GBF1: variants seen among roughly 807,000 people sequenced by gnomAD.
GBF1 encodes the protein golgi brefeldin A resistant guanine nucleotide exchange factor 1, also known as Golgi-specific brefeldin A-resistance guanine nucleotide exchange factor 1.
GBF1 carries 114 observed loss-of-function variants against 210.5 expected under a neutral mutation model. The observed-to-expected ratio is 0.54, with a 90% CI of 0.47 to 0.63. The LOEUF is 0.63. Ranked by LOEUF, GBF1 falls within the 30% of genes least tolerant of loss-of-function variation. The probability of loss-of-function intolerance (pLI) is 0.00; values close to 1 mark genes in which losing one functional copy is unlikely to be tolerated. For synonymous variants in GBF1, 850 were observed against 889.2 expected (o/e 0.96, Z 0.78); for missense variants, 1,851 against 2,357.7 (o/e 0.79, Z 4.45).
chr10:102,376,703 G>A lies in GBF1; in HGVS notation c.4191G>A (p.Leu1397=). 3 of 1,613,458 alleles carry A rather than the reference G, an allele frequency of 1.9e-6. No homozygotes were observed. Among genetic ancestry groups the A allele is most frequent in the Non-Finnish European group, 1.7e-6 (2 of 1,179,932 alleles). Residue 1397 remains leucine, a synonymous_variant, in exon 32 of 40, where the codon CTG becomes CTA. Transcript: ENST00000369983. ...TKSLLKCVES[L]SFIVRDAAHI... is the part of the protein sequence containing the mutation. The stretch of plus-strand genomic sequence containing the variant: ...CTCTGCTTAAGTGTGTGGAATCGCT[G>A]TCCTTCATTGTGCGTGATGCTGCCC...
chr10:102,248,243 A>G (rs898702339), intron 1 of GBF1, among the ~76,000 whole-genome samples: 2 of 151,594 alleles, frequency 1.3e-5, no homozygotes, highest in African/African-American at 2.4e-5. Context: ...TAGAAGAGCT[A>G]TGTAAATATA....
chr10:102,286,553 A>G (rs976340359), intron 3 of GBF1, among the ~76,000 whole-genome samples: 1 of 152,078 alleles, frequency 6.6e-6, no homozygotes, highest in Non-Finnish European at 1.5e-5. Flanking sequence ...CTGCTTCATA[A>G]TTTTTCAAAG....
intron 1 of GBF1, among the ~76,000 whole-genome samples, chr10:102,252,848 A>C (rs79698093): frequency 6.8e-6 from 1 of 147,706 alleles, no homozygotes; most frequent in Non-Finnish European, 1.5e-5. Flanking sequence ...CCCTGTTTCA[A>C]AAAAAAAAAA....
At chr10:102,373,095 A>G (rs2060300085) in intron 29 of GBF1, among the ~76,000 whole-genome samples, 2 of 152,240 alleles carry the variant, frequency 1.3e-5, no homozygotes, top group African/African-American at 4.8e-5. Context: ...CGAGGAGGAA[A>G]TATTTGCAAA....
chr10:102,380,457 T>TC, intron 37 of GBF1, 49 bp from the exon 38 acceptor site: 1 of 1,591,584 alleles, frequency 6.3e-7, no homozygotes, highest in Non-Finnish European at 8.6e-7. Flanking sequence ...TTTACCATAC[T>TC]CCCCCCATGC....
rs1465566367 is a variant in GBF1 at position 102,358,301 on chromosome 10, C to G, written c.787+115C>G. On this transcript the variant is annotated intron_variant, in intron 9 of 39. Transcript: ENST00000369983. Reference sequence around the variant, plus strand: ...GGGGCTTTGGTCTTGGCGCTGAGAACAAAAAGGGAAACTCCAGGTCAAATC... The same window carrying G: ...GGGGCTTTGGTCTTGGCGCTGAGAAGAAAAAGGGAAACTCCAGGTCAAATC... The G allele has an allele frequency of 3.0e-6, 3 of 1,000,716 alleles. No homozygotes were observed. In the African/African-American group the frequency reaches 4.9e-5, roughly 16 times the overall value. 62.0% of individuals were successfully genotyped at this position (1,000,716 alleles called of 1,614,324 possible). A position where few individuals can be genotyped will look rare whatever the true frequency, so the allele number is the denominator to read the frequency against.
chr10:102,326,469 A>G (rs1490855415), intron 3 of GBF1, among the ~76,000 whole-genome samples: 3 of 152,170 alleles, frequency 2.0e-5, no homozygotes, highest in Admixed American at 1.3e-4. Flanking sequence ...TCATTCTCCC[A>G]AATAATACCA....
chr10:102,306,183 C>A (rs1465829290), intron 3 of GBF1, among the ~76,000 whole-genome samples: 1 of 152,210 alleles, frequency 6.6e-6, no homozygotes, highest in Non-Finnish European at 1.5e-5. Flanking sequence ...ACTACTCAAA[C>A]ACACACATAA....
At chr10:102,371,241 G>T (rs961927762) in intron 29 of GBF1, among the ~76,000 whole-genome samples, 1 of 152,160 alleles carries the variant, frequency 6.6e-6, no homozygotes, top group Admixed American at 6.5e-5. Context: ...CAGGATGTGA[G>T]ATCAATACAC....
intron 13 of GBF1, 35 bp downstream of exon 13, chr10:102,361,155 A>G (rs1253141967): frequency 9.2e-7 from 1 of 1,082,474 alleles, no homozygotes; most frequent in African/African-American, 1.5e-5. Context: ...AAGGGGGAAA[A>G]AAAATAGGGA....
rs1192870701 is a variant in GBF1, at chr10:102,361,851, A to G, written c.1625A>G (p.Asn542Ser). The G allele has an allele frequency of 1.2e-5, 19 of 1,613,806 alleles. No individual in the cohort carries two copies. The highest frequency in any genetic ancestry group is 1.6e-5 in the Non-Finnish European group (19 of 1,179,882). ...AGCTTTGTCACAGAGCTCTACATCA[A>G]CTATGATTGTGACTACTACTGTTCC... ...IPSFVTELYI[N>S]YDCDYYCSNL... is the part of the protein sequence containing the mutation. The change falls in exon 14 of 40, where the codon AAC becomes AGC. Residue 542 changes from asparagine to serine, a missense_variant. Around this residue, in one of 3 missense-constraint regions of GBF1, gnomAD observed 804 missense variants for 958.6 expected, o/e 0.84. Transcript: ENST00000369983.
intron 3 of GBF1, among the ~76,000 whole-genome samples, chr10:102,301,520 C>T (rs1190637439): frequency 8.5e-5 from 13 of 152,154 alleles, no homozygotes; most frequent in East Asian, 3.9e-4. Context: ...GGGCGGCTGC[C>T]GGGCGGAGGG....
At chr10:102,233,696 CTG>C in the GBF1 span, among the ~76,000 whole-genome samples, 1 of 152,176 alleles carries the variant, frequency 6.6e-6, no homozygotes, top group Non-Finnish European at 1.5e-5. Flanking sequence ...TGGGCCGGGC[CTG>C]GTCTCATGCC....
chr10:102,327,442 G>T (rs1188948787), intron 3 of GBF1, among the ~76,000 whole-genome samples: 1 of 152,160 alleles, frequency 6.6e-6, no homozygotes, highest in Non-Finnish European at 1.5e-5. Context: ...TTTACAAAGA[G>T]ACTTTTATAG....
chr10:102,372,727 A>G (rs2060279544), intron 29 of GBF1, among the ~76,000 whole-genome samples: 1 of 152,196 alleles, frequency 6.6e-6, no homozygotes, highest in South Asian at 2.1e-4. Context: ...AGGAGGAAAA[A>G]CCAAATGAAC....
intron 3 of GBF1, among the ~76,000 whole-genome samples, chr10:102,321,743 G>A (rs576135135): frequency 6.6e-6 from 1 of 152,098 alleles, no homozygotes; most frequent in African/African-American, 2.4e-5. Context: ...CTAATTTTTT[G>A]TAGAGACGGG....
intron 29 of GBF1, 148 bp downstream of exon 29, chr10:102,371,008 C>T (rs779298387): frequency 3.3e-5 from 26 of 778,222 alleles, no homozygotes; most frequent in Admixed American, 1.8e-4. Context: ...TGCAGTCTAG[C>T]GGGTGGTACT....
intron 21 of GBF1, 45 bp from the exon 22 acceptor site, chr10:102,368,173 C>A: frequency 7.9e-7 from 1 of 1,258,240 alleles, no homozygotes; most frequent in Non-Finnish European, 1.2e-6. Context: ...TGGAACTAGT[C>A]AGGTTCAAAG....
At chr10:102,232,875 C>G in the GBF1 span, among the ~76,000 whole-genome samples, 1 of 152,160 alleles carries the variant, frequency 6.6e-6, no homozygotes, top group African/African-American at 2.4e-5. Flanking sequence ...TATTTTGAAC[C>G]AGACCTGATA....
Sources: gnomAD v4.1 joint callset for allele counts (sites outside exome capture counted in the v4.1 genomes callset) on GRCh38, gnomAD v4.1.1 for gene constraint, gnomAD v4.1.1 regional missense constraint, MANE v1.5 for transcripts, NCBI Gene and HGNC (gene_info 2026-07-23, HGNC 2026-07-21) for gene names.